The following STRN variants were observed in gnomAD, a reference collection of about 807,000 sequenced individuals.
STRN encodes the protein protein phosphatase 2 regulatory subunit B'''alpha.
STRN carries 53 observed loss-of-function variants against 96.3 expected under a neutral mutation model. The observed-to-expected ratio is 0.55, with a 90% confidence interval of 0.44 to 0.69. The LOEUF (loss-of-function observed/expected upper bound fraction) is 0.69. Among genes scored for constraint, STRN ranks in the 30% least tolerant of loss-of-function variants. The pLI is 0.00. For synonymous variants in STRN, 428 were observed against 355.9 expected (o/e 1.20, Z -2.28); for missense variants, 987 against 963.9 (o/e 1.02, Z -0.32).
rs1667862063 is a variant in STRN, at chr2:36,838,094, G to A, written c.*11362C>T. Among the ~76,000 whole-genome samples, 1 of 152,128 alleles carries A rather than the reference G, an allele frequency of 6.6e-6. No individual in the cohort carries two copies. Among genetic ancestry groups the A allele is most frequent in the Non-Finnish European group, 1.5e-5 (1 of 68,038 alleles). On this transcript the variant is annotated 3_prime_UTR_variant, in exon 18 of 18. Transcript: ENST00000263918. Reference sequence around the variant, plus strand: ...GGGTGTGCTTAAACTAGTCACAAGAGCCCTTTAAAAGCAGTTTTCTCTGGC... The same window carrying A: ...GGGTGTGCTTAAACTAGTCACAAGAACCCTTTAAAAGCAGTTTTCTCTGGC...
At chr2:36,929,048 C>T (rs17020074) in intron 1 of STRN, among the ~76,000 whole-genome samples, 13,702 of 151,704 alleles carry the variant, frequency 0.09, 891 homozygotes, top group African/African-American at 0.18. Context: ...ACAGCATATA[C>T]TTCTGGAGAA....
At position 36,931,851 on chromosome 2, in the gene STRN, C is replaced by T. The variant is rs142128236; in HGVS notation, c.235-6643G>A. ...CATTTATTTGTTTATTTATTTGAGA[C>T]AGGGTCTCGCTCTGTTGCCCAGGCT... On this transcript the variant is annotated intron_variant, in intron 1 of 17. Transcript: ENST00000263918. Among the ~76,000 whole-genome samples the T allele has an allele frequency of 6.3e-3, 954 of 152,324 alleles. 5 individuals carry two copies. The highest frequency in any genetic ancestry group is 0.016 in the African/African-American group (667 of 41,548).
chr2:36,875,339 G>A (rs896161849), intron 10 of STRN, among the ~76,000 whole-genome samples: 2 of 151,676 alleles, frequency 1.3e-5, no homozygotes, highest in African/African-American at 4.8e-5. Context: ...GCAAGATCCC[G>A]TCTATACAAA....
intron 1 of STRN, among the ~76,000 whole-genome samples, chr2:36,957,744 CTTTTTTTTTTTTT>C (rs1159531782): frequency 1.1e-5 from 1 of 89,208 alleles, no homozygotes; most frequent in South Asian, 4.5e-4. Context: ...TTCTTTTTGT[CTTTTTTTTTTTTT>C]TTTTTTTTTT....
At chr2:36,908,880 C>T (rs1179323664) in intron 3 of STRN, among the ~76,000 whole-genome samples, 1 of 152,030 alleles carries the variant, frequency 6.6e-6, no homozygotes, top group Non-Finnish European at 1.5e-5. Flanking sequence ...ACTCAGGAGG[C>T]TGAGGCAGGA....
At chr2:36,850,763 A>G (rs996325414) in intron 16 of STRN, among the ~76,000 whole-genome samples, 2 of 152,132 alleles carry the variant, frequency 1.3e-5, no homozygotes, top group African/African-American at 4.8e-5. Context: ...TTGGCTCTAA[A>G]GCCTACATAT....
At chr2:36,954,528 A>G (rs1664835833) in intron 1 of STRN, among the ~76,000 whole-genome samples, 1 of 151,824 alleles carries the variant, frequency 6.6e-6, no homozygotes, top group East Asian at 1.9e-4. Flanking sequence ...GGGAAAAAAA[A>G]AAAAAAAAAG....
intron 10 of STRN, among the ~76,000 whole-genome samples, chr2:36,874,709 T>C (rs1282925044): frequency 4.2e-5 from 6 of 143,028 alleles, no homozygotes; most frequent in Admixed American, 1.4e-4. Flanking sequence ...AAATACTATG[T>C]TTAGAGTTAA....
chr2:36,923,416 A>T (rs544542449), intron 2 of STRN, among the ~76,000 whole-genome samples: 1 of 142,944 alleles, frequency 7.0e-6, no homozygotes, highest in Non-Finnish European at 1.5e-5. Context: ...ACACCACTGC[A>T]CTCCAGCCTA....
intron 1 of STRN, among the ~76,000 whole-genome samples, chr2:36,929,117 C>T (rs1307648976): frequency 2.6e-5 from 4 of 152,014 alleles, no homozygotes; most frequent in Admixed American, 1.3e-4. Context: ...ATACTTTATA[C>T]GTATTTTTCA....
intron 1 of STRN, among the ~76,000 whole-genome samples, chr2:36,944,949 G>A (rs756426909): frequency 2.0e-5 from 3 of 152,128 alleles, no homozygotes; most frequent in Non-Finnish European, 2.9e-5. Flanking sequence ...ACTGCAAATG[G>A]GAACGTAGAC....
At chr2:36,949,789 A>G (rs750313733) in intron 1 of STRN, among the ~76,000 whole-genome samples, 10 of 152,240 alleles carry the variant, frequency 6.6e-5, no homozygotes, top group Non-Finnish European at 1.3e-4. Flanking sequence ...ATAGTAGGTC[A>G]TCCAGGTGAA....
chr2:36,888,236 T>C (rs1385872556), intron 7 of STRN, among the ~76,000 whole-genome samples: 4 of 152,204 alleles, frequency 2.6e-5, no homozygotes, highest in African/African-American at 9.6e-5. Flanking sequence ...ACTGCAATAA[T>C]TGTTCCCCCT....
intron 2 of STRN, among the ~76,000 whole-genome samples, chr2:36,918,630 C>T (rs1017783981): frequency 6.6e-6 from 1 of 151,908 alleles, no homozygotes; most frequent in Admixed American, 6.6e-5. Context: ...TTTTAAAAAA[C>T]AGACAAAGGC....
At chr2:36,911,751 T>C (rs2148213179) in intron 3 of STRN, among the ~76,000 whole-genome samples, 1 of 152,278 alleles carries the variant, frequency 6.6e-6, no homozygotes, top group Non-Finnish European at 1.5e-5. Flanking sequence ...TTTGTCCCTT[T>C]TTCTCTCCGT....
intron 1 of STRN, among the ~76,000 whole-genome samples, chr2:36,955,529 T>C (rs1296079682): frequency 6.6e-6 from 1 of 152,174 alleles, no homozygotes; most frequent in Non-Finnish European, 1.5e-5. Flanking sequence ...GTGTGCAGTT[T>C]CTCCTCTGCC....
intron 11 of STRN, 24 bp downstream of exon 11, chr2:36,869,530 A>G (rs1668711155): frequency 2.7e-6 from 4 of 1,455,086 alleles, no homozygotes; most frequent in Non-Finnish European, 3.7e-6. Flanking sequence ...ATATTCAAAT[A>G]ATGTTAAAGT....
At chr2:36,867,782 C>G in intron 12 of STRN, 32 bp downstream of exon 12, 2 of 1,401,616 alleles carry the variant, frequency 1.4e-6, no homozygotes, top group Non-Finnish European at 9.7e-7. Context: ...ACAGAGATAT[C>G]GGTTTAAAAT....
intron 3 of STRN, 49 bp from the exon 4 acceptor site, chr2:36,905,667 G>T (rs753761155): frequency 6.7e-7 from 1 of 1,492,544 alleles, no homozygotes; most frequent in East Asian, 2.3e-5. Flanking sequence ...ACGTATTAGA[G>T]GGCATCTTAA....
Sources: gnomAD v4.1 joint callset for allele counts (sites outside exome capture counted in the v4.1 genomes callset) on GRCh38, gnomAD v4.1.1 for gene constraint, MANE v1.5 for transcripts, NCBI Gene and HGNC (gene_info 2026-07-23, HGNC 2026-07-21) for gene names.